Variants in GRIA1 observed in about 807,000 individuals in gnomAD.
GRIA1 encodes the protein glutamate ionotropic receptor AMPA type subunit 1, also known as glutamate receptor 1.
A neutral mutation model predicts 99.2 loss-of-function variants in GRIA1; 31 were observed. The observed-to-expected ratio is 0.31, with a 90% confidence interval of 0.23 to 0.42. The LOEUF (loss-of-function observed/expected upper bound fraction) is 0.42. Among genes scored for constraint, GRIA1 ranks in the 10% least tolerant of loss-of-function variants. The pLI is 1.00. For missense variants in GRIA1, 782 were observed against 1,157.5 expected, an observed-to-expected ratio of 0.68 and a Z score of 4.71; for synonymous variants, 438 against 432.4, an observed-to-expected ratio of 1.01 and a Z score of -0.16.
intron 2 of GRIA1, among the ~76,000 whole-genome samples, chr5:153,523,743 A>C (rs1158092847): frequency 6.6e-6 from 1 of 152,188 alleles, no homozygotes; most frequent in Admixed American, 6.5e-5. Context: ...AGTGACCTAC[A>C]TATAGGAGAT....
intron 2 of GRIA1, among the ~76,000 whole-genome samples, chr5:153,617,502 A>G (rs1483306831): frequency 6.6e-6 from 1 of 152,204 alleles, no homozygotes; most frequent in African/African-American, 2.4e-5. Flanking sequence ...CTTTCTACCT[A>G]TGTAGTCCTT....
At chr5:153,742,242 T>G (rs534706187) in intron 11 of GRIA1, among the ~76,000 whole-genome samples, 1 of 152,098 alleles carries the variant, frequency 6.6e-6, no homozygotes, top group East Asian at 1.9e-4. Context: ...GGAAGCAAGA[T>G]AAGAAGAAGG....
chr5:153,664,889 A>C (rs942736286), intron 5 of GRIA1, among the ~76,000 whole-genome samples: 2 of 152,238 alleles, frequency 1.3e-5, no homozygotes, highest in African/African-American at 2.4e-5. Context: ...CCGGCTTTTC[A>C]TCAAAAGATG....
intron 2 of GRIA1, among the ~76,000 whole-genome samples, chr5:153,636,900 T>A (rs1383590772): frequency 6.6e-6 from 1 of 152,130 alleles, no homozygotes; most frequent in Non-Finnish European, 1.5e-5. Flanking sequence ...GGGGATGGAG[T>A]AGCATGGTTT....
chr5:153,805,752 C>G (rs1766383584), intron 15 of GRIA1, among the ~76,000 whole-genome samples: 3 of 152,206 alleles, frequency 2.0e-5, no homozygotes, highest in Admixed American at 2.0e-4. Context: ...AAAGAGGCCA[C>G]TGAGTCATGG....
chr5:153,590,224 C>T (rs17114847), intron 2 of GRIA1, among the ~76,000 whole-genome samples: 22,833 of 146,156 alleles, frequency 0.16, 2,114 homozygotes, highest in East Asian at 0.25. Context: ...TACATCAGTT[C>T]GAAAAAATTG....
chr5:153,575,790 T>C (rs1762481392), intron 2 of GRIA1, among the ~76,000 whole-genome samples: 3 of 152,198 alleles, frequency 2.0e-5, no homozygotes, highest in South Asian at 4.1e-4. Flanking sequence ...CTTTGCAGTG[T>C]AATGGCAGAA....
intron 11 of GRIA1, among the ~76,000 whole-genome samples, chr5:153,735,970 G>A (rs922430717): frequency 3.3e-5 from 5 of 152,162 alleles, no homozygotes; most frequent in Non-Finnish European, 5.9e-5. Flanking sequence ...TATGGAACAG[G>A]CTCATGAGTC....
rs886093432 is a variant in GRIA1, at chr5:153,811,530, G to C, written c.*305G>C. 11 of 337,502 alleles carry C rather than the reference G, an allele frequency of 3.3e-5. No individual in the cohort carries two copies. Among genetic ancestry groups the C allele is most frequent in the Non-Finnish European group, 6.2e-5 (11 of 176,838 alleles). 20.9% of individuals were successfully genotyped at this position (337,502 alleles called of 1,614,324 possible). A position where few individuals can be genotyped will look rare whatever the true frequency, so the allele number is the denominator to read the frequency against. ...TGTGTCTCTGAGAGTAGAGTCACTG[G>C]AACACTAATGAGGAAACTGCACTGT... On this transcript the variant is annotated 3_prime_UTR_variant, in exon 16 of 16. Transcript: ENST00000285900.
intron 5 of GRIA1, among the ~76,000 whole-genome samples, chr5:153,665,869 G>T (rs2149476213): frequency 6.6e-6 from 1 of 152,204 alleles, no homozygotes; most frequent in South Asian, 2.1e-4. Flanking sequence ...ACCTAATATG[G>T]TAACTTCTAA....
intron 14 of GRIA1, among the ~76,000 whole-genome samples, chr5:153,798,545 T>C (rs1344539934): frequency 6.6e-6 from 1 of 152,192 alleles, no homozygotes; most frequent in African/African-American, 2.4e-5. Flanking sequence ...GAGTTTATAC[T>C]TTCTCCAAGA....
chr5:153,546,026 G>C (rs1328294551), intron 2 of GRIA1, among the ~76,000 whole-genome samples: 1 of 152,146 alleles, frequency 6.6e-6, no homozygotes. Flanking sequence ...TCCAGTAGGT[G>C]GTCCAAAGAA....
intron 2 of GRIA1, among the ~76,000 whole-genome samples, chr5:153,568,751 C>T (rs1761871149): frequency 1.3e-5 from 2 of 152,208 alleles, no homozygotes; most frequent in South Asian, 4.1e-4. Flanking sequence ...TTCCTCCCTT[C>T]ATGCCCTTCA....
At chr5:153,587,538 A>G (rs1763599349) in intron 2 of GRIA1, among the ~76,000 whole-genome samples, 2 of 152,194 alleles carry the variant, frequency 1.3e-5, no homozygotes, top group Admixed American at 1.3e-4. Context: ...GAAACCACAG[A>G]GTCATCACTG....
chr5:153,668,556 G>T (rs763730852), intron 5 of GRIA1, among the ~76,000 whole-genome samples: 2 of 152,030 alleles, frequency 1.3e-5, no homozygotes, highest in African/African-American at 2.4e-5. Context: ...TCTATATATG[G>T]CTACTTTCAT....
chr5:153,710,737 T>G (rs912009036), intron 11 of GRIA1, among the ~76,000 whole-genome samples: 3 of 152,168 alleles, frequency 2.0e-5, no homozygotes, highest in African/African-American at 7.2e-5. Flanking sequence ...GATATGAAGA[T>G]ATATTGGTGA....
chr5:153,744,318 C>CTT (rs1762009301), intron 11 of GRIA1, among the ~76,000 whole-genome samples: 1 of 152,132 alleles, frequency 6.6e-6, no homozygotes, highest in Admixed American at 6.5e-5. Context: ...GTTATTTTAA[C>CTT]TTTGTGCAAT....
Position 153,674,636 on chromosome 5 carries a change from C to G in GRIA1, c.836C>G (p.Thr279Arg), listed in dbSNP as rs1481293496. ...AAGAATAGTGATGCTCGAGACCACA[C>G]ACGGGTGGACTGGAAGAGACCCAAG... The part of the protein sequence containing the change: ...QWKNSDARDH[T>R]RVDWKRPKYT... Residue 279 changes from threonine (T) to arginine (R), a missense_variant, in exon 6 of 16, where the codon ACA (threonine) becomes AGA (arginine). Thr to Arg is a moderately conservative substitution (Grantham distance 71). Around this residue, in one of 5 missense-constraint regions of GRIA1, gnomAD observed 461 missense variants for 521.7 expected, o/e 0.88. Transcript: ENST00000285900. The G allele has an allele frequency of 1.2e-6, 2 of 1,613,978 alleles. No individual in the cohort carries two copies. Among genetic ancestry groups the G allele is most frequent in the African/African-American group, 1.3e-5 (1 of 74,908 alleles).
chr5:153,618,794 C>T (rs1766755314), intron 2 of GRIA1, among the ~76,000 whole-genome samples: 1 of 152,120 alleles, frequency 6.6e-6, no homozygotes, highest in South Asian at 2.1e-4. Context: ...CCTAGGTCTG[C>T]AAGTATTTAT....
Sources: allele counts gnomAD v4.1 joint callset (sites outside exome capture counted in the v4.1 genomes callset), GRCh38; gene constraint gnomAD v4.1.1; regional missense constraint gnomAD v4.1.1; transcripts MANE v1.5; gene names NCBI Gene and HGNC (gene_info 2026-07-23, HGNC 2026-07-21).